The following SEMA3A variants were observed in gnomAD, a reference collection of about 807,000 sequenced individuals.
SEMA3A encodes semaphorin-3A.
Under a neutral mutation model 97.9 loss-of-function variants are expected in SEMA3A, and 29 were observed. The ratio of observed to expected loss-of-function variants is 0.30; its 90% CI spans 0.22 to 0.40. The LOEUF is 0.40. Among genes scored for constraint, SEMA3A ranks in the 10% least tolerant of loss-of-function variants. SEMA3A has a pLI of 1.00. For synonymous variants in SEMA3A, 321 were observed against 323.7 expected, an observed-to-expected ratio of 0.99 and a Z score of 0.09; for missense variants, 763 against 951.3, an observed-to-expected ratio of 0.80 and a Z score of 2.60.
At chr7:84,011,724 A>G (rs994038080) in intron 7 of SEMA3A, among the ~76,000 whole-genome samples, 1 of 152,144 alleles carries the variant, frequency 6.6e-6, no homozygotes, top group African/African-American at 2.4e-5. Context: ...ATAATAATGT[A>G]TTATACATTT....
chr7:84,178,108 C>G (rs1354291822), intron 1 of SEMA3A, among the ~76,000 whole-genome samples: 1 of 152,102 alleles, frequency 6.6e-6, no homozygotes, highest in African/African-American at 2.4e-5. Flanking sequence ...AACAAATTAT[C>G]TTTTCCTCTC....
intron 2 of SEMA3A, among the ~76,000 whole-genome samples, chr7:84,348,672 C>G (rs144266992): frequency 6.6e-6 from 1 of 152,052 alleles, no homozygotes; most frequent in South Asian, 2.1e-4. Context: ...ATGAAAGAAT[C>G]GCTGGAGTTT....
chr7:84,305,672 A>T (rs1359590576), intron 3 of SEMA3A, among the ~76,000 whole-genome samples: 1 of 152,026 alleles, frequency 6.6e-6, no homozygotes, highest in Non-Finnish European at 1.5e-5. Flanking sequence ...TGGCCTTTAT[A>T]CATTTGAAAC....
chr7:84,145,987 C>T (rs962548905), intron 1 of SEMA3A, among the ~76,000 whole-genome samples: 9 of 152,070 alleles, frequency 5.9e-5, no homozygotes, highest in African/African-American at 9.7e-5. Flanking sequence ...TTTCTAAACC[C>T]GGCTTGCTGC....
chr7:83,997,051 T>A (rs536074063), intron 12 of SEMA3A, among the ~76,000 whole-genome samples: 60 of 152,300 alleles, frequency 3.9e-4, no homozygotes, highest in South Asian at 2.7e-3. Flanking sequence ...AACCTCAAGA[T>A]AGAAATGGGT....
chr7:84,091,635 A>G (rs1348124182), intron 4 of SEMA3A, among the ~76,000 whole-genome samples: 1 of 152,296 alleles, frequency 6.6e-6, no homozygotes, highest in East Asian at 1.9e-4. Context: ...ATTAAACTTC[A>G]GTCTAACACT....
At chr7:84,324,575 T>C (rs1463069548) in intron 2 of SEMA3A, among the ~76,000 whole-genome samples, 1 of 152,156 alleles carries the variant, frequency 6.6e-6, no homozygotes, top group African/African-American at 2.4e-5. Flanking sequence ...TAATTATATA[T>C]ACATTGGCAA....
At chr7:84,040,059 T>C (rs529426299) in intron 6 of SEMA3A, among the ~76,000 whole-genome samples, 36 of 152,044 alleles carry the variant, frequency 2.4e-4, no homozygotes, top group Non-Finnish European at 5.0e-4. Flanking sequence ...TTTAAAAAAT[T>C]TAAATATTAT....
At chr7:84,204,154 G>A (rs757579293) in intron 3 of SEMA3A, among the ~76,000 whole-genome samples, 12 of 151,842 alleles carry the variant, frequency 7.9e-5, no homozygotes, top group East Asian at 1.9e-4. Flanking sequence ...GTCTCCCAAT[G>A]GTAATATTCT....
intron 2 of SEMA3A, among the ~76,000 whole-genome samples, chr7:84,349,503 G>A (rs1214533744): frequency 1.3e-5 from 2 of 152,150 alleles, no homozygotes; most frequent in Non-Finnish European, 2.9e-5. Context: ...GTAATGTGGG[G>A]TTGTGAGCAA....
chr7:84,151,260 GAGA>G (rs1038697773), intron 1 of SEMA3A, among the ~76,000 whole-genome samples: 52 of 152,202 alleles, frequency 3.4e-4, no homozygotes, highest in African/African-American at 1.2e-3. Context: ...GACGAGCTGA[GAGA>G]AGAAGGCTTC....
intron 3 of SEMA3A, among the ~76,000 whole-genome samples, chr7:84,268,294 T>TGTGC (rs1244680258): frequency 6.7e-6 from 1 of 148,594 alleles, no homozygotes; most frequent in Admixed American, 6.7e-5. Context: ...TGTGTGTGTG[T>TGTGC]GCAGGTGCTC....
chr7:84,307,161 C>T (rs756540419), intron 3 of SEMA3A: 10 of 152,208 alleles, frequency 6.6e-5, no homozygotes, highest in Non-Finnish European at 1.5e-4. Flanking sequence ...TAAATTTTCA[C>T]TAAAACTTAT....
chr7:84,306,731 T>C (rs1023798361), intron 3 of SEMA3A: 3 of 152,136 alleles, frequency 2.0e-5, no homozygotes, highest in Non-Finnish European at 4.4e-5. Flanking sequence ...ATTAAGATGG[T>C]GTAACACATT....
intron 3 of SEMA3A, among the ~76,000 whole-genome samples, chr7:84,295,325 G>T (rs1364517334): frequency 6.6e-6 from 1 of 151,682 alleles, no homozygotes; most frequent in Non-Finnish European, 1.5e-5. Flanking sequence ...TTATATCCTT[G>T]CATTAAGCCA....
chr7:84,297,320 C>T (rs1227713975), intron 3 of SEMA3A, among the ~76,000 whole-genome samples: 3 of 152,082 alleles, frequency 2.0e-5, no homozygotes, highest in Non-Finnish European at 4.4e-5. Flanking sequence ...AAAATACAGA[C>T]AGTTCAGTAA....
intron 1 of SEMA3A, among the ~76,000 whole-genome samples, chr7:84,432,167 AC>A: frequency 6.6e-6 from 1 of 152,254 alleles, no homozygotes; most frequent in East Asian, 1.9e-4. Flanking sequence ...AAAACCTTGT[AC>A]AAAGCTTAAA....
At chr7:84,271,328 C>A (rs1800147603) in intron 3 of SEMA3A, among the ~76,000 whole-genome samples, 1 of 152,014 alleles carries the variant, frequency 6.6e-6, no homozygotes, top group African/African-American at 2.4e-5. Flanking sequence ...GCTGGGACTA[C>A]AGGTGTGTTC....
intron 1 of SEMA3A, among the ~76,000 whole-genome samples, chr7:84,436,153 T>C (rs1227733027): frequency 6.6e-6 from 1 of 151,982 alleles, no homozygotes; most frequent in East Asian, 1.9e-4. Context: ...ACTGGACCCC[T>C]ACTTTTTACC....
Sources: allele counts gnomAD v4.1 joint callset (sites outside exome capture counted in the v4.1 genomes callset), GRCh38; gene constraint gnomAD v4.1.1; transcripts MANE v1.5; gene names NCBI Gene and HGNC (gene_info 2026-07-23, HGNC 2026-07-21).